Variants in CNTN4 observed in about 807,000 individuals in gnomAD.
CNTN4 encodes contactin 4.
CNTN4 carries 77 observed loss-of-function variants against 122.5 expected under a neutral mutation model. The observed-to-expected ratio is 0.63, with a 90% CI of 0.52 to 0.76. The LOEUF (loss-of-function observed/expected upper bound fraction) is 0.76, where lower values mean the gene tolerates loss of function less well. Among genes scored for constraint, CNTN4 ranks in the 30% least tolerant of loss-of-function variants. The pLI, the probability that CNTN4 is intolerant of heterozygous loss-of-function variation, is 0.00. For missense variants in CNTN4, 1,256 were observed against 1,259.1 expected (o/e 1.00, Z 0.04); for synonymous variants, 512 against 447.0 (o/e 1.15, Z -1.83).
chr3:2,469,082 C>G (rs1356156544), intron 3 of CNTN4, among the ~76,000 whole-genome samples: 1 of 152,138 alleles, frequency 6.6e-6, no homozygotes, highest in Admixed American at 6.6e-5. Flanking sequence ...TCTGTTGTCT[C>G]AGAAAAAGGA....
intron 4 of CNTN4, among the ~76,000 whole-genome samples, chr3:2,572,129 A>G (rs919039480): frequency 6.6e-6 from 1 of 152,160 alleles, no homozygotes; most frequent in African/African-American, 2.4e-5. Flanking sequence ...GGCTCACACC[A>G]TTAATCCCAG....
At chr3:2,893,234 A>C (rs952117112) in intron 10 of CNTN4, among the ~76,000 whole-genome samples, 2 of 152,228 alleles carry the variant, frequency 1.3e-5, no homozygotes, top group Non-Finnish European at 2.9e-5. Flanking sequence ...TGTAGGCTTG[A>C]TGACACTGCA....
At chr3:2,149,588 T>G (rs1338042778) in intron 2 of CNTN4, among the ~76,000 whole-genome samples, 2 of 152,224 alleles carry the variant, frequency 1.3e-5, no homozygotes, top group Admixed American at 1.3e-4. Context: ...CACTATTTGA[T>G]GTTCTTAAAA....
In CNTN4 at chr3:2,634,686, A is replaced by AT. The variant is rs199766672; in HGVS notation, c.55+63128_55+63129insT. On this transcript the variant is annotated intron_variant, in intron 4 of 24. Coordinates refer to ENST00000418658, the MANE Select transcript of CNTN4 (RefSeq NM_175607.3). ...TCTACTAAAAATACAGAAAAAAAAA[A>AT]AATATATATATATATATATGTTAGC... Among the ~76,000 whole-genome samples the AT allele has an allele frequency of 5.3e-3, 715 of 134,948 alleles. 4 individuals are homozygous for AT. The highest frequency in any genetic ancestry group is 5.9e-3 in the East Asian group (29 of 4,886). 88.5% of individuals were successfully genotyped at this position (134,948 alleles called of 152,430 possible).
intron 2 of CNTN4, among the ~76,000 whole-genome samples, chr3:2,171,457 T>A (rs1240112488): frequency 6.6e-6 from 1 of 152,230 alleles, no homozygotes. Flanking sequence ...ATTAAGGGGA[T>A]GAAATTACAC....
At chr3:2,786,094 A>C (rs55953832) in intron 6 of CNTN4, among the ~76,000 whole-genome samples, 30,377 of 151,640 alleles carry the variant, frequency 0.2, 3,537 homozygotes, top group East Asian at 0.32. Context: ...AGGGGAAGAC[A>C]ACCCTTCCCC....
intron 3 of CNTN4, among the ~76,000 whole-genome samples, chr3:2,366,802 C>G (rs1009740755): frequency 1.3e-5 from 2 of 151,230 alleles, no homozygotes; most frequent in Admixed American, 1.3e-4. Context: ...ATCTACCAAA[C>G]CTTGGATTCA....
At chr3:2,396,487 A>C (rs1466285982) in intron 3 of CNTN4, among the ~76,000 whole-genome samples, 1 of 152,038 alleles carries the variant, frequency 6.6e-6, no homozygotes, top group Non-Finnish European at 1.5e-5. Flanking sequence ...CCCCCTCCCC[A>C]GCCTCCCACA....
At chr3:2,866,472 C>T (rs899797115) in intron 7 of CNTN4, 13 of 1,274,174 alleles carry the variant, frequency 1.0e-5, no homozygotes, top group Non-Finnish European at 1.2e-5. Context: ...GATTAGCAAA[C>T]TATAAATGCT....
intron 2 of CNTN4, among the ~76,000 whole-genome samples, chr3:2,173,127 A>G (rs2036590569): frequency 6.6e-6 from 1 of 152,206 alleles, no homozygotes; most frequent in South Asian, 2.1e-4. Flanking sequence ...TAGCATTAGA[A>G]CAAAAGAGAA....
intron 3 of CNTN4, among the ~76,000 whole-genome samples, chr3:2,556,400 C>T (rs1203371529): frequency 6.6e-6 from 1 of 152,202 alleles, no homozygotes; most frequent in Non-Finnish European, 1.5e-5. Context: ...TGAGTTATTT[C>T]ACGAAGTTAT....
At chr3:2,417,252 G>A (rs996776267) in intron 3 of CNTN4, among the ~76,000 whole-genome samples, 1 of 152,178 alleles carries the variant, frequency 6.6e-6, no homozygotes, top group African/African-American at 2.4e-5. Context: ...AATAACTGCT[G>A]GACTGTATCA....
intron 4 of CNTN4, among the ~76,000 whole-genome samples, chr3:2,733,551 T>TTTTTTTA (rs1553623997): frequency 6.7e-6 from 1 of 149,582 alleles, no homozygotes; most frequent in African/African-American, 2.5e-5. Context: ...TTTTTTTTTT[T>TTTTTTTA]GAGACAGAGT....
intron 6 of CNTN4, among the ~76,000 whole-genome samples, chr3:2,807,120 C>T (rs2092486118): frequency 1.3e-5 from 2 of 152,010 alleles, no homozygotes; most frequent in South Asian, 2.1e-4. Context: ...TGATAGGTGC[C>T]GATAGTAGGC....
chr3:2,119,159 G>A (rs958628632), intron 2 of CNTN4, among the ~76,000 whole-genome samples: 1 of 152,222 alleles, frequency 6.6e-6, no homozygotes, highest in East Asian at 1.9e-4. Flanking sequence ...AATTCTGCTA[G>A]CAGACAGCTT....
chr3:2,527,834 A>G (rs1424058028), intron 3 of CNTN4, among the ~76,000 whole-genome samples: 1 of 152,080 alleles, frequency 6.6e-6, no homozygotes, highest in Non-Finnish European at 1.5e-5. Flanking sequence ...CACATCCCCC[A>G]CAGTTGGATA....
chr3:2,647,493 A>G (rs1198913908), intron 4 of CNTN4, among the ~76,000 whole-genome samples: 1 of 152,196 alleles, frequency 6.6e-6, no homozygotes, highest in Non-Finnish European at 1.5e-5. Flanking sequence ...TCAAAGCTAT[A>G]CTTTTATTTT....
At chr3:2,982,320 G>A (rs1266806610) in intron 13 of CNTN4, among the ~76,000 whole-genome samples, 1 of 152,122 alleles carries the variant, frequency 6.6e-6, no homozygotes, top group African/African-American at 2.4e-5. Context: ...ACCTGAACAA[G>A]TTCAGCAATT....
chr3:2,489,226 A>G (rs76977661), intron 3 of CNTN4, among the ~76,000 whole-genome samples: 1,909 of 152,284 alleles, frequency 0.013, 45 homozygotes, highest in African/African-American at 0.043. Context: ...TCTCAACAAA[A>G]GACATTAGAT....
Sources: gnomAD v4.1 joint callset for allele counts (sites outside exome capture counted in the v4.1 genomes callset) on GRCh38, gnomAD v4.1.1 for gene constraint, MANE v1.5 for transcripts, NCBI Gene and HGNC (gene_info 2026-07-23, HGNC 2026-07-21) for gene names.